Variants in GLIS1 observed in about 807,000 individuals in gnomAD.
GLIS1 encodes zinc finger protein GLIS1.
Under a neutral mutation model 63.8 loss-of-function variants are expected in GLIS1, and 24 were observed. The observed-to-expected ratio is 0.38, with a 90% CI of 0.27 to 0.53. GLIS1 has a LOEUF of 0.53. GLIS1 is among the 20% of genes least tolerant of loss of function. The probability of loss-of-function intolerance (pLI) is 0.85; values close to 1 mark genes in which losing one functional copy is unlikely to be tolerated. For missense variants in GLIS1, 1,036 were observed against 1,074.1 expected (o/e 0.96, Z 0.50); for synonymous variants, 450 against 482.5 (o/e 0.93, Z 0.88).
chr1:53,716,237 G>C (rs1171161137), intron 2 of GLIS1, among the ~76,000 whole-genome samples: 2 of 152,208 alleles, frequency 1.3e-5, no homozygotes, highest in South Asian at 2.1e-4. Flanking sequence ...ACAGCTACAG[G>C]TGGTTCGATC....
chr1:53,723,240 T>C (rs1485860050), intron 2 of GLIS1, among the ~76,000 whole-genome samples: 1 of 79,194 alleles, frequency 1.3e-5, no homozygotes, highest in Non-Finnish European at 2.6e-5. Flanking sequence ...ATTTATTTAC[T>C]TTTTTTTTTT....
chr1:53,534,792 C>G (rs965623411), intron 4 of GLIS1, among the ~76,000 whole-genome samples: 2 of 152,166 alleles, frequency 1.3e-5, no homozygotes, highest in African/African-American at 4.8e-5. Flanking sequence ...AGCTGCCCCT[C>G]TGTGTGCCTG....
chr1:53,507,268 C>A (rs1216560955), intron 10 of GLIS1, among the ~76,000 whole-genome samples: 1 of 152,226 alleles, frequency 6.6e-6, no homozygotes, highest in Admixed American at 6.5e-5. Context: ...CGCTTCGGCT[C>A]CACAATGCTC....
At chr1:53,616,355 C>T (rs932915652) in intron 2 of GLIS1, among the ~76,000 whole-genome samples, 10 of 152,200 alleles carry the variant, frequency 6.6e-5, no homozygotes, top group Non-Finnish European at 1.3e-4. Flanking sequence ...CATATTCCAT[C>T]TGCGTTTTCA....
chr1:53,667,735 G>A (rs1029976524), intron 2 of GLIS1, among the ~76,000 whole-genome samples: 4 of 152,130 alleles, frequency 2.6e-5, no homozygotes, highest in South Asian at 2.1e-4. Flanking sequence ...TTCTTGCAGC[G>A]GAAAGCAAAA....
intron 4 of GLIS1, among the ~76,000 whole-genome samples, chr1:53,556,586 ACTGTAGGTTTGTGTGTGTG>A (rs1644832830): frequency 1.1e-5 from 1 of 94,396 alleles, no homozygotes; most frequent in South Asian, 3.8e-4. Flanking sequence ...ATGCAGGTGT[ACTGTAGGTTTGTGTGTGTG>A]TGCAGGTGTA....
intron 2 of GLIS1, among the ~76,000 whole-genome samples, chr1:53,610,238 TC>T (rs2100571197): frequency 6.6e-6 from 1 of 152,334 alleles, no homozygotes; most frequent in East Asian, 1.9e-4. Context: ...TATATATTTC[TC>T]AAAACCAGTG....
At chr1:53,506,930 G>A (rs547414095) in intron 10 of GLIS1, among the ~76,000 whole-genome samples, 154 bp from the exon 11 acceptor site, 22 of 152,306 alleles carry the variant, frequency 1.4e-4, no homozygotes, top group Middle Eastern at 3.4e-3. Flanking sequence ...TTTTCCAAAT[G>A]GGGGAGCTGG....
intron 2 of GLIS1, among the ~76,000 whole-genome samples, chr1:53,682,937 G>C (rs564955103): frequency 3.3e-5 from 5 of 152,162 alleles, no homozygotes; most frequent in South Asian, 2.1e-4. Flanking sequence ...AGGCACGAAG[G>C]GGGTATACAT....
rs1644472803 is a variant in GLIS1 at position 53,526,668 on chromosome 1, C to CTTGGA, written c.1483-1782_1483-1781insTCCAA. Among the ~76,000 whole-genome samples the CTTGGA allele has an allele frequency of 1.3e-5, 2 of 152,342 alleles. No individual in the cohort carries two copies. Among genetic ancestry groups the CTTGGA allele is most frequent in the East Asian group, 3.9e-4 (2 of 5,178 alleles). On this transcript the variant is annotated intron_variant, in intron 5 of 10. Transcript: ENST00000628545. The surrounding 1 kb of genome is among the most constrained non-coding windows in gnomAD (Gnocchi z 4.4). ...GGCCCTGCCCTGTCCCTGAGCCGGC[C>CTTGGA]CCAGGACTGTCCCTTGGGGATGCTG...
chr1:53,624,401 T>C (rs1371384520), intron 2 of GLIS1, among the ~76,000 whole-genome samples: 1 of 152,158 alleles, frequency 6.6e-6, no homozygotes, highest in Non-Finnish European at 1.5e-5. Context: ...TAATGCATCA[T>C]CAACCTAAAC....
chr1:53,725,690 C>T (rs1051083282), intron 2 of GLIS1, among the ~76,000 whole-genome samples: 5 of 152,154 alleles, frequency 3.3e-5, no homozygotes, highest in Admixed American at 6.5e-5. Context: ...AGCGGGCATC[C>T]GATAAATATG....
chr1:53,509,192 C>T lies in GLIS1; in HGVS notation c.2158G>A (p.Gly720Arg), dbSNP rs542743733. Residue 720 changes from glycine (G) to arginine (R), a missense_variant, in exon 10 of 11, where the codon GGG becomes AGG. Coordinates refer to ENST00000628545, the MANE Select transcript of GLIS1 (RefSeq NM_001367484.1). The part of the protein sequence containing the change: ...EPAAGGDGLV[G>R]ETHGFNPLRP... ...AGGGGGTTGAAACCGTGGGTCTCCCCGACCAGTCCGTCCCCACCGGCTGCT... is the reference window on the plus strand; with the variant it reads ...AGGGGGTTGAAACCGTGGGTCTCCCTGACCAGTCCGTCCCCACCGGCTGCT... The T allele has an allele frequency of 1.1e-5, 17 of 1,600,112 alleles. No individual in the cohort carries two copies. Among genetic ancestry groups the T allele is most frequent in the Admixed American group, 5.1e-5 (3 of 58,456 alleles).
At chr1:53,679,409 A>G (rs1646251224) in intron 2 of GLIS1, among the ~76,000 whole-genome samples, 1 of 152,132 alleles carries the variant, frequency 6.6e-6, no homozygotes, top group South Asian at 2.1e-4. Flanking sequence ...TAGGAGGGAG[A>G]CCAGATGTGA....
intron 4 of GLIS1, among the ~76,000 whole-genome samples, chr1:53,555,161 C>A (rs1331281009): frequency 1.3e-5 from 2 of 152,362 alleles, no homozygotes; most frequent in African/African-American, 4.8e-5. Context: ...AGCAACCTAT[C>A]AGGCCACTCT....
In GLIS1 at chr1:53,594,945, G is replaced by C. The variant is rs1645239964; in HGVS notation, c.483C>G (p.Thr161=). The change falls in exon 4 of 11, where the codon ACC becomes ACG. Residue 161 remains threonine, a synonymous_variant. Coordinates refer to ENST00000628545, the MANE Select transcript of GLIS1 (RefSeq NM_001367484.1). ...AGGACTCCTGTTTGATGTGTTGTGT[G>C]GTTGGGAGGCTGCCGTTCACATACG... ...QATYVNGSLP[T]TQHIKQESLP... The C allele has an allele frequency of 6.8e-7, 1 of 1,476,376 alleles. No homozygotes were observed. Among genetic ancestry groups the C allele is most frequent in the Non-Finnish European group, 8.9e-7 (1 of 1,120,998 alleles). 91.5% of individuals were successfully genotyped at this position (1,476,376 alleles called of 1,614,324 possible).
intron 2 of GLIS1, among the ~76,000 whole-genome samples, chr1:53,700,805 C>A (rs1646515642): frequency 6.6e-6 from 1 of 152,202 alleles, no homozygotes; most frequent in South Asian, 2.1e-4. Flanking sequence ...CCCCTGGCAA[C>A]ACTAATCTAT....
At chr1:53,709,355 T>C (rs11588034) in intron 2 of GLIS1, among the ~76,000 whole-genome samples, 5 of 105,614 alleles carry the variant, frequency 4.7e-5, no homozygotes, top group African/African-American at 7.6e-5. Flanking sequence ...TATACATATA[T>C]ATACATATAC....
At chr1:53,567,881 G>A (rs967753308) in intron 4 of GLIS1, among the ~76,000 whole-genome samples, 42 of 152,254 alleles carry the variant, frequency 2.8e-4, no homozygotes, top group African/African-American at 1.0e-3. Context: ...GGAAATGCCT[G>A]AATGTCCAGG....
Sources: gnomAD v4.1 joint callset for allele counts (sites outside exome capture counted in the v4.1 genomes callset) on GRCh38, gnomAD v4.1.1 for gene constraint, Gnocchi (gnomAD v3.1) non-coding constraint, MANE v1.5 for transcripts, NCBI Gene and HGNC (gene_info 2026-07-23, HGNC 2026-07-21) for gene names.